Variants in PALD1 observed in about 807,000 individuals in gnomAD.
PALD1 encodes phosphatase domain containing paladin 1.
Under a neutral mutation model 96.0 loss-of-function variants are expected in PALD1, and 57 were observed. The ratio of observed to expected loss-of-function variants is 0.59; its 90% confidence interval spans 0.48 to 0.74. The LOEUF (loss-of-function observed/expected upper bound fraction) is 0.74. PALD1 is among the 30% of genes least tolerant of loss of function. The probability of loss-of-function intolerance (pLI) is 0.00; values close to 1 mark genes in which losing one functional copy is unlikely to be tolerated. For missense variants in PALD1, 1,063 were observed against 1,143.7 expected, an observed-to-expected ratio of 0.93 and a Z score of 1.02; for synonymous variants, 464 against 473.6, an observed-to-expected ratio of 0.98 and a Z score of 0.26.
chr10:70,533,137 T>A, intron 7 of PALD1, 67 bp downstream of exon 7: 1 of 1,316,404 alleles, frequency 7.6e-7, no homozygotes, highest in Middle Eastern at 1.8e-4. Flanking sequence ...GTGCTCAGGG[T>A]GGGCACAGCC....
the PALD1 span, among the ~76,000 whole-genome samples, chr10:70,460,668 G>T: frequency 0.51 from 77,302 of 151,888 alleles, 20,891 homozygotes; most frequent in East Asian, 0.63. Flanking sequence ...CTCCACCCTG[G>T]CCCCCCAGAA....
At chr10:70,515,346 C>T (rs183282626) in intron 1 of PALD1, among the ~76,000 whole-genome samples, 1 of 152,316 alleles carries the variant, frequency 6.6e-6, no homozygotes, top group East Asian at 1.9e-4. Flanking sequence ...CAGATGGGAA[C>T]CTATCCCGAA....
chr10:70,560,113 T>C (rs1353992100), intron 18 of PALD1, among the ~76,000 whole-genome samples: 3 of 152,176 alleles, frequency 2.0e-5, no homozygotes, highest in Non-Finnish European at 2.9e-5. Context: ...TTTAGTGCAA[T>C]GTTTAATTGA....
intron 1 of PALD1, among the ~76,000 whole-genome samples, chr10:70,492,582 G>T (rs1386084610): frequency 6.8e-6 from 1 of 147,616 alleles, no homozygotes; most frequent in East Asian, 2.1e-4. Context: ...TCAGCTTCCT[G>T]AGTAGCTGGG....
chr10:70,495,296 A>G (rs145412492), intron 1 of PALD1, among the ~76,000 whole-genome samples: 4 of 152,204 alleles, frequency 2.6e-5, no homozygotes, highest in Admixed American at 2.6e-4. Context: ...ATCACAATGT[A>G]TACAGTGTAT....
Position 70,529,221 on chromosome 10 carries a change from C to CTT in PALD1, c.186-8_186-7insTT. On this transcript the variant is annotated splice_region_variant and splice_polypyrimidine_tract_variant and intron_variant, in intron 2 of 19. Transcript: ENST00000263563. ...AGTTTCCATTCTGCCCCCCCCCCCCCCCCCCAGGTACAACTGCAAGGAGGA... is the reference window on the plus strand; with the variant it reads ...AGTTTCCATTCTGCCCCCCCCCCCCCTTCCCCCAGGTACAACTGCAAGGAGGA... The CTT allele has an allele frequency of 2.3e-6, 1 of 434,200 alleles. No individual in the cohort carries two copies. Among genetic ancestry groups the CTT allele is most frequent in the Non-Finnish European group, 4.0e-6 (1 of 252,850 alleles). The allele number at this position is 434,200 out of a possible 1,614,324, so 26.9% of individuals were successfully genotyped here.
At position 70,539,282 on chromosome 10, in the gene PALD1, C is replaced by T. The variant is rs77421488; in HGVS notation, c.1725+35C>T. 3.5e-3 allele frequency: 5,594 copies of T among 1,577,236 alleles called. 115 individuals carry two copies. In the East Asian group the frequency reaches 0.042, roughly 12 times the overall value. On this transcript the variant is annotated intron_variant, in intron 14 of 19. Transcript: ENST00000263563. This position sits in a 1 kb window ranked among gnomAD's most constrained non-coding sequence, Gnocchi z 4.5. ...CCTGCCCTCTAGGCACCCCTGCCTC[C>T]GAGGCTTCTGGGGAGTGGCCTGGGA...
At chr10:70,528,421 C>T (rs575144231) in intron 2 of PALD1, among the ~76,000 whole-genome samples, 21 of 152,064 alleles carry the variant, frequency 1.4e-4, no homozygotes, top group African/African-American at 4.4e-4. Flanking sequence ...TAAGCACTTA[C>T]AATCATTAGC....
At chr10:70,538,152 C>T (rs1847153694) in intron 11 of PALD1, 128 bp from the exon 12 acceptor site, 2 of 1,012,128 alleles carry the variant, frequency 2.0e-6, no homozygotes. Context: ...TTCTCTCAGC[C>T]ACTCCCTTGT....
At chr10:70,532,949 C>T in intron 6 of PALD1, 46 bp from the exon 7 acceptor site, 2 of 1,543,622 alleles carry the variant, frequency 1.3e-6, no homozygotes, top group Non-Finnish European at 1.8e-6. Context: ...GAGGGGGATT[C>T]CCAGAGTGGG....
chr10:70,470,857 A>C, the PALD1 span, among the ~76,000 whole-genome samples: 3 of 152,134 alleles, frequency 2.0e-5, no homozygotes, highest in Non-Finnish European at 1.5e-5. Context: ...GCTGGAGTGC[A>C]ATGACACGAT....
chr10:70,473,628 C>T, the PALD1 span, among the ~76,000 whole-genome samples: 3 of 149,926 alleles, frequency 2.0e-5, no homozygotes, highest in Non-Finnish European at 4.4e-5. Flanking sequence ...GAAGGGGCTC[C>T]ATAAATGTTT....
At chr10:70,507,567 G>A (rs193124698) in intron 1 of PALD1, among the ~76,000 whole-genome samples, 42 of 152,316 alleles carry the variant, frequency 2.8e-4, no homozygotes, top group African/African-American at 9.9e-4. Context: ...GACCGAAGGT[G>A]TGCACCACCT....
At chr10:70,558,533 A>G (rs1847662900) in intron 18 of PALD1, among the ~76,000 whole-genome samples, 1 of 152,146 alleles carries the variant, frequency 6.6e-6, no homozygotes. Context: ...TCTGCACTCT[A>G]GTGACGGAGA....
chr10:70,536,422 C>T (rs899692071), intron 10 of PALD1, among the ~76,000 whole-genome samples: 2 of 152,214 alleles, frequency 1.3e-5, no homozygotes, highest in Non-Finnish European at 2.9e-5. Context: ...TCTTCTTGGA[C>T]AATTGAGTTG....
intron 18 of PALD1, among the ~76,000 whole-genome samples, chr10:70,561,134 C>G (rs1847730185): frequency 6.6e-6 from 1 of 152,216 alleles, no homozygotes; most frequent in African/African-American, 2.4e-5. Context: ...CACTCCACCT[C>G]TTACCCCAGA....
chr10:70,547,337 A>C lies in PALD1; in HGVS notation c.2153A>C (p.Asp718Ala). ...VVMKVVQLLP[D>A]GHRVKKEVDA... ...ATGAAGGTGGTGCAGCTGCTACCCGATGGGCACCGTGTGAAGAAGGAGGTG... is the reference window on the plus strand; with the variant it reads ...ATGAAGGTGGTGCAGCTGCTACCCGCTGGGCACCGTGTGAAGAAGGAGGTG... Residue 718 changes from aspartate (D) to alanine (A), a missense_variant, in exon 18 of 20, where the codon GAT (aspartate) becomes GCT (alanine). Physicochemically the swap from Asp to Ala is moderately radical, Grantham distance 126 (BLOSUM62 -2). Transcript: ENST00000263563. 6.2e-7 allele frequency: 1 copy of C among 1,613,566 alleles called. No individual in the cohort carries two copies. Among genetic ancestry groups the C allele is most frequent in the Non-Finnish European group, 8.5e-7 (1 of 1,179,646 alleles).
intron 1 of PALD1, among the ~76,000 whole-genome samples, chr10:70,482,449 G>A (rs1232549303): frequency 1.3e-5 from 2 of 152,202 alleles, no homozygotes; most frequent in African/African-American, 4.8e-5. Context: ...TGTAACTGGT[G>A]CTCAGCACAG....
At chr10:70,510,062 G>A (rs949448286) in intron 1 of PALD1, among the ~76,000 whole-genome samples, 2 of 152,148 alleles carry the variant, frequency 1.3e-5, no homozygotes, top group African/African-American at 4.8e-5. Flanking sequence ...CTGGGATCTG[G>A]ATTTGCCTAA....
Sources: allele counts gnomAD v4.1 joint callset (sites outside exome capture counted in the v4.1 genomes callset), GRCh38; gene constraint gnomAD v4.1.1; non-coding constraint Gnocchi (gnomAD v3.1); transcripts MANE v1.5; gene names NCBI Gene and HGNC (gene_info 2026-07-23, HGNC 2026-07-21).